Variants in CDC42BPB observed in about 807,000 individuals in gnomAD.
CDC42BPB encodes CDC42 binding protein kinase beta, also known as serine/threonine-protein kinase MRCK beta.
A neutral mutation model predicts 214.9 loss-of-function variants in CDC42BPB; 37 were observed. That is an observed-to-expected ratio of 0.17 (90% CI 0.13 to 0.23). The LOEUF (loss-of-function observed/expected upper bound fraction) is 0.23. Among genes scored for constraint, CDC42BPB ranks in the 10% least tolerant of loss-of-function variants. The probability of loss-of-function intolerance (pLI) is 1.00; values close to 1 mark genes in which losing one functional copy is unlikely to be tolerated. For synonymous variants in CDC42BPB, 931 were observed against 884.0 expected (o/e 1.05, Z -0.94); for missense variants, 1,694 against 2,227.0 (o/e 0.76, Z 4.82).
rs761922472 is a variant in CDC42BPB at position 102,944,067 on chromosome 14, G to A, written c.4232C>T (p.Pro1411Leu). 6.2e-7 allele frequency: 1 copy of A among 1,613,566 alleles called. No individual in the cohort carries two copies. The highest frequency in any genetic ancestry group is 2.2e-5 in the East Asian group (1 of 44,870). The change falls in exon 30 of 37, where the codon CCC becomes CTC. Residue 1411 changes from proline (P) to leucine (L), a missense_variant. By Grantham distance (98) the Pro-to-Leu change is moderately conservative (BLOSUM62 -3). Around this residue, in one of 7 missense-constraint regions of CDC42BPB, gnomAD observed 567 missense variants for 790.3 expected, o/e 0.72. Coordinates refer to ENST00000361246, the MANE Select transcript of CDC42BPB (RefSeq NM_006035.4). This position sits in a 1 kb window ranked among gnomAD's most constrained non-coding sequence, Gnocchi z 6.6. Reference protein sequence around the residue: ...GDGQPLNLVNPNDPSLAFLSQ... With the variant: ...GDGQPLNLVNLNDPSLAFLSQ... ...GAGGAACGCAAGCGAGGGGTCATTG[G>A]GATTTACCAGGTTTAGAGGCTGCCC... is the stretch of plus-strand genomic sequence containing the variant.
chr14:103,007,166 C>T (rs1208950923), intron 3 of CDC42BPB, among the ~76,000 whole-genome samples: 1 of 152,164 alleles, frequency 6.6e-6, no homozygotes, highest in African/African-American at 2.4e-5. Context: ...TCACAGGCCA[C>T]CGACATTTTG....
intron 1 of CDC42BPB, among the ~76,000 whole-genome samples, chr14:103,030,789 G>A (rs1455332107): frequency 1.3e-5 from 2 of 152,082 alleles, no homozygotes; most frequent in Non-Finnish European, 2.9e-5. Flanking sequence ...TTCCAGACCA[G>A]CCTAGGCAAC....
Position 103,057,255 on chromosome 14 carries a change from G to C in CDC42BPB, c.-82C>G, listed in dbSNP as rs960226017. On this transcript the variant is annotated 5_prime_UTR_variant, in exon 1 of 37. Transcript: ENST00000361246. ...CGTCAGGGCGCGCCCTCGGGGGCTC[G>C]GCGGCTGCGAGCCCCGGCAGCAGCG... is the stretch of plus-strand genomic sequence containing the variant. The C allele has an allele frequency of 3.5e-5, 42 of 1,185,776 alleles. No individual in the cohort carries two copies. Among genetic ancestry groups the C allele is most frequent in the Non-Finnish European group, 2.7e-5 (26 of 958,938 alleles). 73.5% of individuals were successfully genotyped at this position (1,185,776 alleles called of 1,614,324 possible). A position where few individuals can be genotyped will look rare whatever the true frequency, so the allele number is the denominator to read the frequency against.
intron 1 of CDC42BPB, chr14:103,041,470 T>C (rs1421070524): frequency 3.2e-6 from 4 of 1,244,414 alleles, no homozygotes; most frequent in East Asian, 2.4e-5. Flanking sequence ...TAGGCAGCCA[T>C]GGCGCCCAGC....
chr14:102,973,962 A>T, intron 12 of CDC42BPB, 54 bp downstream of exon 12: 1 of 1,552,380 alleles, frequency 6.4e-7, no homozygotes, highest in Non-Finnish European at 8.7e-7. Context: ...ACGTGACCTT[A>T]CAGAATTCTG....
chr14:102,933,977 A>C (rs1891515636), intron 36 of CDC42BPB, 134 bp from the exon 37 acceptor site: 3 of 1,387,036 alleles, frequency 2.2e-6, no homozygotes, highest in Non-Finnish European at 2.8e-6. Flanking sequence ...ATGAAAACAC[A>C]CACGCTCTAC....
chr14:103,012,422 C>T lies in CDC42BPB; in HGVS notation c.176-234G>A, dbSNP rs946210511. ...TGTTGCAGCCACGCACTGGGTAACACTGTTGCAGCCGACGACGGACCACAT... is the reference window on the plus strand; with the variant it reads ...TGTTGCAGCCACGCACTGGGTAACATTGTTGCAGCCGACGACGGACCACAT... On this transcript the variant is annotated intron_variant, in intron 1 of 36. Coordinates refer to ENST00000361246, the MANE Select transcript of CDC42BPB (RefSeq NM_006035.4). 5 of 228,930 alleles carry T rather than the reference C, an allele frequency of 2.2e-5. No homozygotes were observed. In the South Asian group the frequency reaches 4.8e-4, roughly 22 times the overall value. The allele number at this position is 228,930 out of a possible 1,614,324, so 14.2% of individuals were successfully genotyped here. A position where few individuals can be genotyped will look rare whatever the true frequency, so the allele number is the denominator to read the frequency against.
chr14:102,939,058 T>C (rs1891768678), intron 34 of CDC42BPB, among the ~76,000 whole-genome samples: 1 of 151,844 alleles, frequency 6.6e-6, no homozygotes. Context: ...TGCCTCAGCC[T>C]CCCCAGTAGC....
chr14:103,034,648 A>G (rs1887567201), intron 1 of CDC42BPB, among the ~76,000 whole-genome samples: 1 of 152,082 alleles, frequency 6.6e-6, no homozygotes, highest in Non-Finnish European at 1.5e-5. Flanking sequence ...GGGAAACCCC[A>G]TCTCTACTGA....
In CDC42BPB at chr14:103,057,313, G is replaced by C; in HGVS notation, c.-140C>G. On this transcript the variant is annotated 5_prime_UTR_variant, in exon 1 of 37. Coordinates refer to ENST00000361246, the MANE Select transcript of CDC42BPB (RefSeq NM_006035.4). ...CTCGCCGCCCCGTCCGCGTCGTCGC[G>C]CCCCGGCCTAGGCCGACATCTTGGG... The C allele has an allele frequency of 9.5e-7, 1 of 1,053,164 alleles. No homozygotes were observed. The highest frequency in any genetic ancestry group is 1.1e-6 in the Non-Finnish European group (1 of 876,144). 65.2% of individuals were successfully genotyped at this position (1,053,164 alleles called of 1,614,324 possible).
chr14:102,948,708 G>A (rs1359623197), intron 26 of CDC42BPB, among the ~76,000 whole-genome samples: 6 of 140,616 alleles, frequency 4.3e-5, no homozygotes, highest in Non-Finnish European at 7.8e-5. Flanking sequence ...GGGAGCAGGG[G>A]GTGGGTGTGG....
At chr14:102,949,974 T>C in intron 25 of CDC42BPB, 70 bp from the exon 26 acceptor site, 1 of 1,588,046 alleles carries the variant, frequency 6.3e-7, no homozygotes, top group Non-Finnish European at 8.6e-7. Context: ...ATTACACTCG[T>C]TCACAATCTC....
rs967470176 is a variant in CDC42BPB, at chr14:103,057,069, G to C, written c.105C>G (p.Val35=). 4 of 1,524,976 alleles carry C rather than the reference G, an allele frequency of 2.6e-6. No homozygotes were observed. The highest frequency in any genetic ancestry group is 1.2e-5 in the South Asian group (1 of 81,848). 94.5% of individuals were successfully genotyped at this position (1,524,976 alleles called of 1,614,324 possible). A position where few individuals can be genotyped will look rare whatever the true frequency, so the allele number is the denominator to read the frequency against. Residue 35 remains valine (V), a synonymous_variant, in exon 1 of 37, where the codon GTC becomes GTG. Transcript: ENST00000361246. Reference sequence around the variant, plus strand: ...AGTGGCTGCACTCGGTGTACAGGCAGACGAGCACGTCGAGCAGCGTTTCCA... The same window carrying C: ...AGTGGCTGCACTCGGTGTACAGGCACACGAGCACGTCGAGCAGCGTTTCCA... The part of the protein sequence containing the change: ...LSVETLLDVL[V]CLYTECSHSA...
At chr14:102,973,942 A>T in intron 12 of CDC42BPB, 74 bp downstream of exon 12, 1 of 1,501,554 alleles carries the variant, frequency 6.7e-7, no homozygotes, top group Non-Finnish European at 9.0e-7. Context: ...GTCTTCCATC[A>T]TCGGCATGAA....
At chr14:102,938,674 G>C in intron 34 of CDC42BPB, 1 of 527,930 alleles carries the variant, frequency 1.9e-6, no homozygotes. Context: ...TGTCCCCCAG[G>C]CTGGAGTGCA....
Position 102,966,522 on chromosome 14 carries a change from C to T in CDC42BPB, c.2472-135G>A, listed in dbSNP as rs74085547. 1.2e-3 allele frequency: 1,720 copies of T among 1,454,606 alleles called. 19 individuals carry two copies. In the African/African-American group the frequency reaches 0.021, roughly 18 times the overall value. The allele number at this position is 1,454,606 out of a possible 1,614,324, so 90.1% of individuals were successfully genotyped here. Reference sequence around the variant, plus strand: ...TCAGCTAGAGTGCCCGCAGTGTACCCGTTGTATACACGGGATCTCATTGAT... The same window carrying T: ...TCAGCTAGAGTGCCCGCAGTGTACCTGTTGTATACACGGGATCTCATTGAT... On this transcript the variant is annotated intron_variant, in intron 17 of 36. Coordinates refer to ENST00000361246, the MANE Select transcript of CDC42BPB (RefSeq NM_006035.4).
chr14:103,014,260 A>C (rs1046826428), intron 1 of CDC42BPB, among the ~76,000 whole-genome samples: 1 of 151,196 alleles, frequency 6.6e-6, no homozygotes. Context: ...TGGAGCCCAC[A>C]CTGTCTGACT....
chr14:102,993,497 CAGAA>C (rs1894589704), intron 5 of CDC42BPB, among the ~76,000 whole-genome samples: 1 of 148,512 alleles, frequency 6.7e-6, no homozygotes, highest in East Asian at 2.0e-4. Flanking sequence ...GAGTGAAAGG[CAGAA>C]AGAGAGAGGG....
chr14:102,966,197 A>T, intron 18 of CDC42BPB, 85 bp downstream of exon 18: 1 of 1,045,352 alleles, frequency 9.6e-7, no homozygotes, highest in Non-Finnish European at 1.5e-6. Flanking sequence ...GTAATTCCCT[A>T]AATAGTACTT....
Sources: allele counts gnomAD v4.1 joint callset (sites outside exome capture counted in the v4.1 genomes callset), GRCh38; gene constraint gnomAD v4.1.1; regional missense constraint gnomAD v4.1.1; non-coding constraint Gnocchi (gnomAD v3.1); transcripts MANE v1.5; gene names NCBI Gene and HGNC (gene_info 2026-07-23, HGNC 2026-07-21).